The following VCAN variants were observed in gnomAD, a reference collection of about 807,000 sequenced individuals.
VCAN encodes the protein versican core protein.
Under a neutral mutation model 245.5 loss-of-function variants are expected in VCAN, and 44 were observed. The ratio of observed to expected loss-of-function variants is 0.18; its 90% CI spans 0.14 to 0.23. VCAN has a LOEUF of 0.23. Ranked by LOEUF, VCAN falls within the 10% of genes least tolerant of loss-of-function variation. VCAN has a pLI of 1.00. For synonymous variants in VCAN, 1,413 were observed against 1,437.0 expected (o/e 0.98, Z 0.38); for missense variants, 3,793 against 4,057.9 (o/e 0.93, Z 1.77).
rs757662293 is a variant in VCAN at position 83,537,872 on chromosome 5, T to C, written c.4869T>C (p.Thr1623=). The change falls in exon 8 of 15, where the codon ACT becomes ACC. Residue 1623 remains threonine (T), a synonymous_variant. Transcript: ENST00000265077. ...LSTKESWVEA[T]PRQVVELSGS... Reference sequence around the variant, plus strand: ...CCAAAGAAAGCTGGGTAGAAGCAACTCCTAGACAAGTTGTAGAGCTCTCAG... The same window carrying C: ...CCAAAGAAAGCTGGGTAGAAGCAACCCCTAGACAAGTTGTAGAGCTCTCAG... 1 of 1,613,968 alleles carries C rather than the reference T, an allele frequency of 6.2e-7. No individual in the cohort carries two copies.
chr5:83,516,129 AAACCCTAACCCT>A (rs1179376287), intron 6 of VCAN, among the ~76,000 whole-genome samples: 1 of 151,930 alleles, frequency 6.6e-6, no homozygotes, highest in Non-Finnish European at 1.5e-5. Flanking sequence ...TCCCTAACCC[AAACCCTAACCCT>A]AACCCTAACC....
intron 5 of VCAN, among the ~76,000 whole-genome samples, chr5:83,505,263 G>A (rs1238136959): frequency 6.6e-6 from 1 of 152,148 alleles, no homozygotes; most frequent in Non-Finnish European, 1.5e-5. Flanking sequence ...AGTCTCATTT[G>A]AGACAAGGCA....
At chr5:83,511,244 C>A (rs563852828) in intron 5 of VCAN, among the ~76,000 whole-genome samples, 1 of 150,484 alleles carries the variant, frequency 6.6e-6, no homozygotes, top group Non-Finnish European at 1.5e-5. Flanking sequence ...CGGGTTCAAG[C>A]GATTCTCCTA....
intron 3 of VCAN, among the ~76,000 whole-genome samples, chr5:83,493,032 A>G (rs780377874): frequency 3.9e-5 from 6 of 152,220 alleles, no homozygotes; most frequent in African/African-American, 1.4e-4. Flanking sequence ...ACTCTAGTAC[A>G]TTGTCTCTGA....
chr5:83,539,095 A>T lies in VCAN; in HGVS notation c.6092A>T (p.Gln2031Leu). ...SVVPVLPSAV[Q>L]KFSGTASSII... ...GTTCCAGTGCTTCCCAGTGCTGTGC[A>T]AAAGTTTTCTGGTACAGCTTCCTCC... Residue 2031 changes from glutamine to leucine, a missense_variant, in exon 8 of 15, where the codon CAA (glutamine) becomes CTA (leucine). Coordinates refer to ENST00000265077, the MANE Select transcript of VCAN (RefSeq NM_004385.5). The T allele has an allele frequency of 6.2e-7, 1 of 1,614,002 alleles. No individual in the cohort carries two copies. The highest frequency in any genetic ancestry group is 8.5e-7 in the Non-Finnish European group (1 of 1,179,968).
In VCAN at chr5:83,543,376, T is replaced by A. The variant is rs183446699; in HGVS notation, c.9265+1108T>A. ...TCAGTACTTTAATGTCTGTCTTGGT[T>A]GAGAATATATGTTTTATTTTAATAT... On this transcript the variant is annotated intron_variant, in intron 8 of 14. Coordinates refer to ENST00000265077, the MANE Select transcript of VCAN (RefSeq NM_004385.5). 1.8e-3 allele frequency among the ~76,000 whole-genome samples: 280 copies of A among 152,292 alleles called. 3 individuals are homozygous for A. The highest frequency in any genetic ancestry group is 6.5e-3 in the African/African-American group (270 of 41,570).
At chr5:83,547,072 A>C (rs180708296) in intron 9 of VCAN, among the ~76,000 whole-genome samples, 1 of 152,338 alleles carries the variant, frequency 6.6e-6, no homozygotes, top group Non-Finnish European at 1.5e-5. Flanking sequence ...CAAAAACTAC[A>C]GAAGGCATTT....
At chr5:83,531,978 A>C (rs1746539008) in intron 7 of VCAN, among the ~76,000 whole-genome samples, 1 of 152,132 alleles carries the variant, frequency 6.6e-6, no homozygotes, top group Admixed American at 6.6e-5. Flanking sequence ...TTGAAATCCA[A>C]ACAAAAGTTA....
At chr5:83,498,482 C>T (rs1239117578) in intron 5 of VCAN, among the ~76,000 whole-genome samples, 1 of 152,180 alleles carries the variant, frequency 6.6e-6, no homozygotes, top group Non-Finnish European at 1.5e-5. Flanking sequence ...CAATTGCTTT[C>T]TGGATAGTTT....
intron 7 of VCAN, among the ~76,000 whole-genome samples, chr5:83,524,538 ACCTACCTACC>A: frequency 8.5e-5 from 1 of 11,752 alleles, no homozygotes; most frequent in Middle Eastern, 0.042. Context: ...CTACCTGCGT[ACCTACCTACC>A]TACCTACCTA....
chr5:83,558,445 G>T (rs541833852), intron 12 of VCAN, among the ~76,000 whole-genome samples: 71 of 152,052 alleles, frequency 4.7e-4, no homozygotes, highest in African/African-American at 1.7e-3. Flanking sequence ...TTCTTTGAAA[G>T]ATTTATTAGA....
chr5:83,563,096 C>T (rs938365871), intron 12 of VCAN, among the ~76,000 whole-genome samples: 1 of 152,182 alleles, frequency 6.6e-6, no homozygotes, highest in Admixed American at 6.6e-5. Flanking sequence ...CAACTCCAGG[C>T]TGCCAGCATA....
chr5:83,520,386 A>T lies in VCAN; in HGVS notation c.2080A>T (p.Met694Leu), dbSNP rs757585886. Residue 694 changes from methionine (M) to leucine (L), a missense_variant, in exon 7 of 15, where the codon ATG becomes TTG. Coordinates refer to ENST00000265077, the MANE Select transcript of VCAN (RefSeq NM_004385.5). ...AAGAACAGAAACACTAATACCAGAG[A>T]TGAGAACAGATACTTATACAGATGA... ...RERTETLIPE[M>L]RTDTYTDEIQ... is the part of the protein sequence containing the mutation. The T allele has an allele frequency of 1.2e-6, 2 of 1,612,966 alleles. No homozygotes were observed. Among genetic ancestry groups the T allele is most frequent in the African/African-American group, 2.7e-5 (2 of 74,910 alleles).
chr5:83,531,941 ACC>A (rs1411778731), intron 7 of VCAN, among the ~76,000 whole-genome samples: 1 of 152,098 alleles, frequency 6.6e-6, no homozygotes, highest in Admixed American at 6.6e-5. Flanking sequence ...TTATGCATAC[ACC>A]CTGTAGAGTT....
At chr5:83,477,818 CAT>C (rs1182472190) in intron 1 of VCAN, among the ~76,000 whole-genome samples, 2 of 151,554 alleles carry the variant, frequency 1.3e-5, no homozygotes, top group Non-Finnish European at 2.9e-5. Flanking sequence ...CAGAAAGAGA[CAT>C]AGAGTTTTAA....
intron 2 of VCAN, 125 bp from the exon 3 acceptor site, chr5:83,489,973 C>A: frequency 1.1e-6 from 1 of 947,782 alleles, no homozygotes; most frequent in Non-Finnish European, 1.6e-6. Flanking sequence ...TAAAGTCATT[C>A]TAATTATGTC....
chr5:83,568,087 A>G (rs746973385), intron 12 of VCAN, among the ~76,000 whole-genome samples: 23 of 152,050 alleles, frequency 1.5e-4, no homozygotes, highest in Non-Finnish European at 3.1e-4. Flanking sequence ...TCTTCTTAAC[A>G]TTTAACTTTA....
In VCAN at chr5:83,539,905, T is replaced by G. The variant is rs160278; in HGVS notation, c.6902T>G (p.Phe2301Cys). Residue 2301 changes from phenylalanine (F) to cysteine (C), a missense_variant, in exon 8 of 15, where the codon TTT (phenylalanine) becomes TGT (cysteine). Around this residue, in one of 5 missense-constraint regions of VCAN, gnomAD observed 3,182 missense variants for 3,250.3 expected, o/e 0.98. Coordinates refer to ENST00000265077, the MANE Select transcript of VCAN (RefSeq NM_004385.5). ...ACCTCAAGTGACAAAATTGAAGACTTTAACAGAATGGAAAATGTGGCAAAA... is the reference window on the plus strand; with the variant it reads ...ACCTCAAGTGACAAAATTGAAGACTGTAACAGAATGGAAAATGTGGCAAAA... ...ESTSSDKIED[F>C]NRMENVAKEV... is the part of the protein sequence containing the mutation. 2.9e-3 allele frequency: 4,633 copies of G among 1,613,838 alleles called. 11 individuals carry two copies. Among genetic ancestry groups the G allele is most frequent in the Middle Eastern group, 3.8e-3 (23 of 6,062 alleles).
At chr5:83,474,449 T>A (rs1339288755) in intron 1 of VCAN, among the ~76,000 whole-genome samples, 1 of 149,256 alleles carries the variant, frequency 6.7e-6, no homozygotes. Flanking sequence ...GATGGAAGGG[T>A]GGGAAAGAAC....
Sources: allele counts gnomAD v4.1 joint callset (sites outside exome capture counted in the v4.1 genomes callset), GRCh38; gene constraint gnomAD v4.1.1; regional missense constraint gnomAD v4.1.1; transcripts MANE v1.5; gene names NCBI Gene and HGNC (gene_info 2026-07-23, HGNC 2026-07-21).